The following GRIP1 variants were observed in gnomAD, a reference collection of about 807,000 sequenced individuals.
GRIP1 encodes glutamate receptor-interacting protein 1.
A neutral mutation model predicts 129.9 loss-of-function variants in GRIP1; 45 were observed. The observed-to-expected ratio is 0.35, with a 90% CI of 0.27 to 0.44. The LOEUF (loss-of-function observed/expected upper bound fraction) is 0.44. Among genes scored for constraint, GRIP1 ranks in the 20% least tolerant of loss-of-function variants. The pLI is 1.00. For missense variants in GRIP1, 1,196 were observed against 1,396.8 expected, an observed-to-expected ratio of 0.86 and a Z score of 2.29; for synonymous variants, 530 against 520.8, an observed-to-expected ratio of 1.02 and a Z score of -0.24.
chr12:66,666,507 A>C (rs895441712), intron 1 of GRIP1, among the ~76,000 whole-genome samples: 7 of 152,138 alleles, frequency 4.6e-5, no homozygotes, highest in Non-Finnish European at 2.9e-5. Flanking sequence ...ACATTATTAA[A>C]ATTCTATCAT....
chr12:66,927,311 T>C (rs1280281837), intron 1 of GRIP1, among the ~76,000 whole-genome samples: 3 of 152,168 alleles, frequency 2.0e-5, no homozygotes, highest in African/African-American at 7.2e-5. Flanking sequence ...ATGCTCAGTG[T>C]GTGTCAGGCA....
chr12:66,978,898 A>G (rs545319897), intron 1 of GRIP1, among the ~76,000 whole-genome samples: 2 of 152,090 alleles, frequency 1.3e-5, no homozygotes, highest in East Asian at 3.9e-4. Flanking sequence ...TTTTATCTGC[A>G]GCTTTCAGGA....
At chr12:66,936,743 C>T (rs762451095) in intron 1 of GRIP1, among the ~76,000 whole-genome samples, 1 of 152,138 alleles carries the variant, frequency 6.6e-6, no homozygotes, top group Non-Finnish European at 1.5e-5. Context: ...ATCTGTCTAA[C>T]TCTTAGGGGA....
chr12:66,781,146 T>TACTTATAAAACTTTATAAGGTACACA (rs1290169967), intron 1 of GRIP1, among the ~76,000 whole-genome samples: 1 of 152,238 alleles, frequency 6.6e-6, no homozygotes, highest in Non-Finnish European at 1.5e-5. Context: ...AAGGTACACT[T>TACTTATAAAACTTTATAAGGTACACA]ACTTTAAAAG....
At chr12:67,041,165 CTCTCTA>C (rs2043171816) in intron 1 of GRIP1, among the ~76,000 whole-genome samples, 1 of 152,260 alleles carries the variant, frequency 6.6e-6, no homozygotes, top group East Asian at 1.9e-4. Context: ...TTCTCTCTCT[CTCTCTA>C]TATGTACACA....
chr12:66,485,177 G>C (rs1474419526), intron 7 of GRIP1, among the ~76,000 whole-genome samples: 1 of 152,126 alleles, frequency 6.6e-6, no homozygotes, highest in Non-Finnish European at 1.5e-5. Context: ...TGCTCTATAT[G>C]TTTACCACCT....
chr12:66,637,128 G>A (rs1227354581), intron 1 of GRIP1, among the ~76,000 whole-genome samples: 7 of 152,096 alleles, frequency 4.6e-5, no homozygotes. Flanking sequence ...CAAGTAGAGG[G>A]AAGTTAACTG....
chr12:66,899,911 G>A (rs1002475799), intron 1 of GRIP1, among the ~76,000 whole-genome samples: 1 of 152,000 alleles, frequency 6.6e-6, no homozygotes, highest in African/African-American at 2.4e-5. Context: ...GTCTATATAT[G>A]TGATTTTCAG....
intron 1 of GRIP1, among the ~76,000 whole-genome samples, chr12:66,799,382 G>T (rs1196705296): frequency 6.6e-6 from 1 of 152,178 alleles, no homozygotes; most frequent in African/African-American, 2.4e-5. Context: ...TAATTCATTC[G>T]GGATTTTTTG....
chr12:66,446,094 G>GCCACCCCCCCCCCCC (rs1555185775), intron 11 of GRIP1, among the ~76,000 whole-genome samples: 7 of 140,500 alleles, frequency 5.0e-5, no homozygotes, highest in African/African-American at 2.0e-4. Flanking sequence ...CATTCCTCCT[G>GCCACCCCCCCCCCCC]CCGCCCCCCA....
In GRIP1 at chr12:66,710,666, A is replaced by G. The variant is rs11831385; in HGVS notation, c.-419-80330T>C. ...AAGAAGAAATTCAACTCCCCCGCCCATCATGCACTTTGCAAGACCTTTATG... is the reference window on the plus strand; with the variant it reads ...AAGAAGAAATTCAACTCCCCCGCCCGTCATGCACTTTGCAAGACCTTTATG... On this transcript the variant is annotated intron_variant, in intron 1 of 4. Transcript: ENST00000538373. 6.7e-3 allele frequency among the ~76,000 whole-genome samples: 1,025 copies of G among 152,070 alleles called. 12 individuals carry two copies. The highest frequency in any genetic ancestry group is 0.023 in the African/African-American group (956 of 41,536).
At chr12:66,792,831 A>G (rs1390810684) in intron 1 of GRIP1, among the ~76,000 whole-genome samples, 3 of 152,178 alleles carry the variant, frequency 2.0e-5, no homozygotes, top group African/African-American at 7.2e-5. Flanking sequence ...CTCAAACTGG[A>G]TAACATAAAT....
intron 2 of GRIP1, among the ~76,000 whole-genome samples, chr12:66,573,814 G>A (rs1565874931): frequency 6.6e-6 from 1 of 152,162 alleles, no homozygotes; most frequent in Non-Finnish European, 1.5e-5. Flanking sequence ...GTGAAACAGG[G>A]TGAAGAGCAA....
chr12:66,893,400 C>T (rs11176477), intron 1 of GRIP1, among the ~76,000 whole-genome samples: 24,244 of 151,932 alleles, frequency 0.16, 3,432 homozygotes, highest in African/African-American at 0.37. Flanking sequence ...CCACCACACC[C>T]GACTAATTTT....
At chr12:66,474,270 A>G (rs183318145) in intron 7 of GRIP1, among the ~76,000 whole-genome samples, 29 of 152,180 alleles carry the variant, frequency 1.9e-4, no homozygotes, top group African/African-American at 6.5e-4. Flanking sequence ...GTGTGAAGAC[A>G]AGATTAGAGG....
chr12:66,507,355 G>A (rs2060559711), intron 7 of GRIP1, among the ~76,000 whole-genome samples: 2 of 151,884 alleles, frequency 1.3e-5, no homozygotes, highest in South Asian at 2.1e-4. Context: ...GGAGAATGGC[G>A]TGAACCCAGG....
intron 1 of GRIP1, among the ~76,000 whole-genome samples, chr12:66,914,651 A>T (rs2041089266): frequency 6.6e-6 from 1 of 152,224 alleles, no homozygotes; most frequent in Non-Finnish European, 1.5e-5. Flanking sequence ...AAAAAGGAAA[A>T]ACTGGCTCTT....
chr12:66,401,225 T>C (rs2137604556), intron 16 of GRIP1, among the ~76,000 whole-genome samples: 2 of 152,252 alleles, frequency 1.3e-5, no homozygotes, highest in East Asian at 3.9e-4. Flanking sequence ...TGACCACTGA[T>C]AGTCAACATT....
intron 1 of GRIP1, among the ~76,000 whole-genome samples, chr12:67,050,215 T>C (rs1354629763): frequency 6.6e-6 from 1 of 152,196 alleles, no homozygotes; most frequent in African/African-American, 2.4e-5. Context: ...AAATATTAAA[T>C]CTTCACGCAA....
Sources: gnomAD v4.1 joint callset for allele counts (sites outside exome capture counted in the v4.1 genomes callset) on GRCh38, gnomAD v4.1.1 for gene constraint, MANE v1.5 for transcripts, NCBI Gene and HGNC (gene_info 2026-07-23, HGNC 2026-07-21) for gene names.